The following CD101 variants were observed in gnomAD, a reference collection of about 807,000 sequenced individuals.
The protein encoded by CD101 is CD101 molecule, also known as immunoglobulin superfamily member 2.
In CD101, 76 loss-of-function variants were observed where a neutral mutation model predicts 98.2. The observed-to-expected ratio is 0.77, with a 90% CI of 0.64 to 0.94. The LOEUF (loss-of-function observed/expected upper bound fraction) is 0.94, where lower values mean the gene tolerates loss of function less well. Among genes scored for constraint, CD101 ranks in the 40% least tolerant of loss-of-function variants. CD101 has a pLI of 0.00. For missense variants in CD101, 1,145 were observed against 1,218.8 expected, an observed-to-expected ratio of 0.94 and a Z score of 0.90; for synonymous variants, 471 against 472.7, an observed-to-expected ratio of 1.00 and a Z score of 0.05.
In CD101 at chr1:117,018,220, C is replaced by T. The variant is rs1653357693; in HGVS notation, c.1677C>T (p.Asp559=). 1 of 1,614,040 alleles carries T rather than the reference C, an allele frequency of 6.2e-7. No homozygotes were observed. ...AAGTGATGTTAACCAACACCTTTGACCTGTCCTGTGTCGTGAGGGCCGGTT... is the reference window on the plus strand; with the variant it reads ...AAGTGATGTTAACCAACACCTTTGATCTGTCCTGTGTCGTGAGGGCCGGTT... ...QPQVMLTNTF[D]LSCVVRAGYS... is the part of the protein sequence containing the mutation. Residue 559 remains aspartate, a synonymous_variant, in exon 6 of 10, where the codon GAC becomes GAT. Transcript: ENST00000682167. The surrounding 1 kb of genome is among the most constrained non-coding windows in gnomAD (Gnocchi z 4.3).
rs150898766 is a variant in CD101 at position 117,023,559 on chromosome 1, G to A, written c.2428+1576G>A. ...AGCCTCCAGAGTAGCTGGGACTACA[G>A]GTGTGTGCCACCATGCCTGGCTAAT... On this transcript the variant is annotated intron_variant, in intron 7 of 9. Coordinates refer to ENST00000682167, the MANE Select transcript of CD101 (RefSeq NM_001256106.3). This position sits in a 1 kb window ranked among gnomAD's most constrained non-coding sequence, Gnocchi z 4.4. 6.5e-3 allele frequency among the ~76,000 whole-genome samples: 982 copies of A among 152,182 alleles called. 7 individuals are homozygous for A. Among genetic ancestry groups the A allele is most frequent in the South Asian group, 0.011 (55 of 4,812 alleles).
Position 117,004,210 on chromosome 1 carries a change from G to C in CD101, c.43+2350G>C, listed in dbSNP as rs373476350. Among the ~76,000 whole-genome samples, 24 of 152,260 alleles carry C rather than the reference G, an allele frequency of 1.6e-4. No homozygotes were observed. In the East Asian group the frequency reaches 4.1e-3, roughly 26 times the overall value. On this transcript the variant is annotated intron_variant, in intron 1 of 9. Transcript: ENST00000682167. This position sits in a 1 kb window ranked among gnomAD's most constrained non-coding sequence, Gnocchi z 4.1. ...GTTTGCATTCATGAAAAATAAAAAAGATTCCACTTAGTATGGATGGAAGCT... is the reference window on the plus strand; with the variant it reads ...GTTTGCATTCATGAAAAATAAAAAACATTCCACTTAGTATGGATGGAAGCT...
Position 117,011,762 on chromosome 1 carries a change from T to G in CD101, c.637T>G (p.Tyr213Asp). 6.2e-7 allele frequency: 1 copy of G among 1,614,152 alleles called. No homozygotes were observed. The highest frequency in any genetic ancestry group is 8.5e-7 in the Non-Finnish European group (1 of 1,180,030). ...KDFILVPGPL[Y>D]TERFAASDVQ... ...TTTTATATTGGTCCCTGGGCCCTTGTATACAGAGCGGTTTGCAGCCAGTGA... is the reference window on the plus strand; with the variant it reads ...TTTTATATTGGTCCCTGGGCCCTTGGATACAGAGCGGTTTGCAGCCAGTGA... Residue 213 changes from tyrosine (Y) to aspartate (D), a missense_variant, in exon 3 of 10, where the codon TAT becomes GAT. Physicochemically the swap from Tyr to Asp is radical, Grantham distance 160 (BLOSUM62 -3). Coordinates refer to ENST00000682167, the MANE Select transcript of CD101 (RefSeq NM_001256106.3).
chr1:117,027,835 G>T (rs1312998365), intron 8 of CD101, among the ~76,000 whole-genome samples: 1 of 152,164 alleles, frequency 6.6e-6, no homozygotes, highest in African/African-American at 2.4e-5. Flanking sequence ...TGTAATCCCA[G>T]CACTTTAGGA....
Position 117,011,656 on chromosome 1 carries a change from T to C in CD101, c.531T>C (p.His177=). 6.2e-7 allele frequency: 1 copy of C among 1,614,072 alleles called. No homozygotes were observed. Among genetic ancestry groups the C allele is most frequent in the South Asian group, 1.1e-5 (1 of 91,060 alleles). ...AGGCATCCAAAGCCACAGCCCAACATACTCACCTCTCTGTCACCTGGTACC... is the reference window on the plus strand; with the variant it reads ...AGGCATCCAAAGCCACAGCCCAACACACTCACCTCTCTGTCACCTGGTACC... ...TCEASKATAQ[H]THLSVTWYLT... is the part of the protein sequence containing the mutation. The change falls in exon 3 of 10, where the codon CAT becomes CAC. Residue 177 remains histidine, a synonymous_variant. Transcript: ENST00000682167.
intron 1 of CD101, among the ~76,000 whole-genome samples, chr1:117,008,442 G>A (rs1045090604): frequency 2.0e-5 from 3 of 152,004 alleles, no homozygotes; most frequent in African/African-American, 4.8e-5. Context: ...TCCAGCCTGG[G>A]TGACAGAGCA....
chr1:117,018,066 A>G lies in CD101; in HGVS notation c.1613-90A>G, dbSNP rs1653346606. On this transcript the variant is annotated intron_variant, in intron 5 of 9. Coordinates refer to ENST00000682167, the MANE Select transcript of CD101 (RefSeq NM_001256106.3). This position sits in a 1 kb window ranked among gnomAD's most constrained non-coding sequence, Gnocchi z 4.3. ...TCCAAATGTACAAATGCATGGTCCT[A>G]GTCAAAGAGGTGGCAACTAGAAAAA... 1.8e-6 allele frequency: 2 copies of G among 1,083,896 alleles called. No individual in the cohort carries two copies. The highest frequency in any genetic ancestry group is 5.2e-5 in the East Asian group (2 of 38,562). The allele number at this position is 1,083,896 out of a possible 1,614,324, so 67.1% of individuals were successfully genotyped here.
chr1:117,010,227 A>AT lies in CD101; in HGVS notation c.423dup (p.Val142CysfsTer17). The AT allele has an allele frequency of 6.2e-7, 1 of 1,605,340 alleles. No homozygotes were observed. The highest frequency in any genetic ancestry group is 1.1e-5 in the South Asian group (1 of 90,528). ...AAGTTACAGTGCAAAGACTAATCTA[A>AT]TTGGTAAGTTGCTTGTCCACTTCTG... On this transcript the variant is annotated frameshift_variant, in exon 2 of 10. Transcript: ENST00000682167. LOFTEE classifies it high-confidence loss of function. This position sits in a 1 kb window ranked among gnomAD's most constrained non-coding sequence, Gnocchi z 5.2.
chr1:117,031,196 T>G (rs1328695392), intron 8 of CD101, among the ~76,000 whole-genome samples: 1 of 152,146 alleles, frequency 6.6e-6, no homozygotes, highest in East Asian at 1.9e-4. Context: ...TTCAGCATGG[T>G]AAGGGGCACA....
Position 117,011,707 on chromosome 1 carries a change from A to G in CD101, c.582A>G (p.Gln194=). 6.2e-7 allele frequency: 1 copy of G among 1,614,158 alleles called. No individual in the cohort carries two copies. The change falls in exon 3 of 10, where the codon CAA becomes CAG. Residue 194 remains glutamine (Q), a synonymous_variant. Coordinates refer to ENST00000682167, the MANE Select transcript of CD101 (RefSeq NM_001256106.3). The part of the protein sequence containing the change: ...WYLTQDGGGS[Q]ATEIISLSKD... Reference sequence around the variant, plus strand: ...TAACACAGGATGGAGGAGGAAGCCAAGCCACTGAGATTATTTCTCTCTCCA... The same window carrying G: ...TAACACAGGATGGAGGAGGAAGCCAGGCCACTGAGATTATTTCTCTCTCCA...
rs1389786204 is a variant in CD101 at position 117,018,060 on chromosome 1, G to C, written c.1613-96G>C. ...GGAAACTCCAAATGTACAAATGCAT[G>C]GTCCTAGTCAAAGAGGTGGCAACTA... On this transcript the variant is annotated intron_variant, in intron 5 of 9. Transcript: ENST00000682167. The surrounding 1 kb of genome is among the most constrained non-coding windows in gnomAD (Gnocchi z 4.3). 3.6e-5 allele frequency: 37 copies of C among 1,024,596 alleles called. No homozygotes were observed. Among genetic ancestry groups the C allele is most frequent in the East Asian group, 3.1e-4 (12 of 38,114 alleles). The allele number at this position is 1,024,596 out of a possible 1,614,324, so 63.5% of individuals were successfully genotyped here.
intron 4 of CD101, 22 bp downstream of exon 4, chr1:117,013,814 C>T (rs373360779): frequency 1.8e-5 from 29 of 1,591,936 alleles, no homozygotes; most frequent in Non-Finnish European, 2.4e-5. Context: ...CAAGGCCAGG[C>T]ATGCATTGGG....
Position 117,013,474 on chromosome 1 carries a change from T to A in CD101, c.910T>A (p.Cys304Ser), listed in dbSNP as rs766805575. 1 of 1,614,206 alleles carries A rather than the reference T, an allele frequency of 6.2e-7. No individual in the cohort carries two copies. Among genetic ancestry groups the A allele is most frequent in the East Asian group, 2.2e-5 (1 of 44,884 alleles). Residue 304 changes from cysteine to serine, a missense_variant, in exon 4 of 10, where the codon TGC (cysteine) becomes AGC (serine). Physicochemically the swap from Cys to Ser is moderately radical, Grantham distance 112 (BLOSUM62 -1). Coordinates refer to ENST00000682167, the MANE Select transcript of CD101 (RefSeq NM_001256106.3). ...FAEGKPLELV[C>S]LVVSSGRDPQ... ...TGAAGGGAAACCCTTAGAACTGGTTTGCCTGGTTGTAAGCAGTGGCCGTGA... is the reference window on the plus strand; with the variant it reads ...TGAAGGGAAACCCTTAGAACTGGTTAGCCTGGTTGTAAGCAGTGGCCGTGA...
At position 117,017,189 on chromosome 1, in the gene CD101, T is replaced by C. The variant is rs368486149; in HGVS notation, c.1328T>C (p.Leu443Pro). The change falls in exon 5 of 10, where the codon CTG becomes CCG. Residue 443 changes from leucine (L) to proline (P), a missense_variant. By Grantham distance (98) the Leu-to-Pro change is moderately conservative. Coordinates refer to ENST00000682167, the MANE Select transcript of CD101 (RefSeq NM_001256106.3). ...LCKAGGAESP[L>P]SVSWWHIPRD... is the part of the protein sequence containing the mutation. ...AAGGCTGGTGGAGCTGAAAGTCCCCTGTCTGTGAGCTGGTGGCACATCCCA... is the reference window on the plus strand; with the variant it reads ...AAGGCTGGTGGAGCTGAAAGTCCCCCGTCTGTGAGCTGGTGGCACATCCCA... 85 of 1,614,230 alleles carry C rather than the reference T, an allele frequency of 5.3e-5. No individual in the cohort carries two copies. The East Asian group carries it at 8.0e-4, about 15-fold the overall frequency.
Position 117,033,896 on chromosome 1 carries a change from C to G in CD101, c.2861C>G (p.Pro954Arg). The change falls in exon 9 of 10, where the codon CCT (proline) becomes CGT (arginine). Residue 954 changes from proline to arginine, a missense_variant. Coordinates refer to ENST00000682167, the MANE Select transcript of CD101 (RefSeq NM_001256106.3). The surrounding 1 kb of genome is among the most constrained non-coding windows in gnomAD (Gnocchi z 4.8). ...CCTTCCAGGATCTGCTCCTCGGCCC[C>G]TTTACTCTATTTCCTGTTCATCTGT... ...TLPSRICSSA[P>R]LLYFLFICPF... 3 of 1,614,182 alleles carry G rather than the reference C, an allele frequency of 1.9e-6. No homozygotes were observed. The highest frequency in any genetic ancestry group is 1.1e-5 in the South Asian group (1 of 91,080).
chr1:117,014,835 T>G (rs996957408), intron 4 of CD101, among the ~76,000 whole-genome samples: 3 of 152,228 alleles, frequency 2.0e-5, no homozygotes, highest in African/African-American at 7.2e-5. Context: ...CGATTTGGCC[T>G]TGAGTGGCAG....
Position 117,013,778 on chromosome 1 carries a change from T to C in CD101, c.1214T>C (p.Leu405Pro). Residue 405 changes from leucine (L) to proline (P), a missense_variant, in exon 4 of 10, where the codon CTG (leucine) becomes CCG (proline). Leu to Pro is a moderately conservative substitution (Grantham distance 98). Transcript: ENST00000682167. ...RKQSPDSHVH[L>P]RKPAARSVVM... ...CAGTCACCAGACAGCCACGTGCACC[T>C]GAGGAAGCCAGCAGGTACGTAAAGT... 1.2e-6 allele frequency: 2 copies of C among 1,611,258 alleles called. No individual in the cohort carries two copies. The highest frequency in any genetic ancestry group is 1.1e-5 in the South Asian group (1 of 90,810).
At chr1:117,016,728 C>T (rs1421270417) in intron 4 of CD101, among the ~76,000 whole-genome samples, 2 of 152,106 alleles carry the variant, frequency 1.3e-5, no homozygotes, top group African/African-American at 4.8e-5. Flanking sequence ...CATGTTGGCA[C>T]GTGCCTGTAG....
At chr1:117,007,204 A>C (rs1652586330) in intron 1 of CD101, among the ~76,000 whole-genome samples, 2 of 152,178 alleles carry the variant, frequency 1.3e-5, no homozygotes, top group African/African-American at 4.8e-5. Context: ...ACAAATAAGC[A>C]CAAAGTAAAA....
Sources: allele counts gnomAD v4.1 joint callset (sites outside exome capture counted in the v4.1 genomes callset), GRCh38; gene constraint gnomAD v4.1.1; non-coding constraint Gnocchi (gnomAD v3.1); transcripts MANE v1.5; gene names NCBI Gene and HGNC (gene_info 2026-07-23, HGNC 2026-07-21).